TBCA: variants seen among roughly 807,000 people sequenced by gnomAD.
TBCA encodes tubulin folding cofactor A, also known as tubulin-specific chaperone A.
In TBCA, 6 loss-of-function variants were observed where a neutral mutation model predicts 15.8. That is an observed-to-expected ratio of 0.38 (90% confidence interval 0.21 to 0.75). TBCA has a LOEUF of 0.75. TBCA is among the 30% of genes least tolerant of loss of function. The pLI, the probability that TBCA is intolerant of heterozygous loss-of-function variation, is 0.46. For synonymous variants in TBCA, 32 were observed against 42.3 expected (o/e 0.76, Z 0.94); for missense variants, 90 against 131.2 (o/e 0.69, Z 1.53).
intron 2 of TBCA, among the ~76,000 whole-genome samples, chr5:77,705,022 T>C (rs551398435): frequency 1.2e-3 from 185 of 152,338 alleles, no homozygotes; most frequent in South Asian, 2.9e-3. Context: ...TAGTCAGTAA[T>C]GTAACTAGTG....
chr5:77,741,189 T>C (rs1311348828), intron 1 of TBCA, among the ~76,000 whole-genome samples: 2 of 152,296 alleles, frequency 1.3e-5, no homozygotes, highest in Middle Eastern at 3.4e-3. Flanking sequence ...GGTAGGGTTG[T>C]GGAGAAGATA....
At chr5:77,703,548 C>T (rs570946289) in intron 2 of TBCA, among the ~76,000 whole-genome samples, 1 of 152,080 alleles carries the variant, frequency 6.6e-6, no homozygotes, top group African/African-American at 2.4e-5. Flanking sequence ...AAAACTTTTA[C>T]CTAGTTGCTT....
intron 1 of TBCA, among the ~76,000 whole-genome samples, chr5:77,775,839 T>C (rs1200950009): frequency 6.6e-6 from 1 of 152,110 alleles, no homozygotes; most frequent in Non-Finnish European, 1.5e-5. Context: ...CCGGGCCAAG[T>C]TCAGCAAGGA....
intron 1 of TBCA, among the ~76,000 whole-genome samples, chr5:77,747,225 T>C (rs1747206193): frequency 6.6e-6 from 1 of 151,874 alleles, no homozygotes; most frequent in Admixed American, 6.6e-5. Context: ...TACTAAAAAA[T>C]CTGGGAAAAT....
chr5:77,755,384 C>T (rs140260005), intron 1 of TBCA, among the ~76,000 whole-genome samples: 2,591 of 151,596 alleles, frequency 0.017, 45 homozygotes, highest in Non-Finnish European at 0.024. Context: ...CAAGACCAGC[C>T]TGACCAACAA....
chr5:77,760,762 A>C (rs1234577099), intron 1 of TBCA, among the ~76,000 whole-genome samples: 1 of 152,156 alleles, frequency 6.6e-6, no homozygotes, highest in African/African-American at 2.4e-5. Flanking sequence ...GCATGATCTC[A>C]GCTCGCTACA....
chr5:77,766,514 T>A (rs1339363388), intron 1 of TBCA, among the ~76,000 whole-genome samples: 1 of 75,822 alleles, frequency 1.3e-5, no homozygotes, highest in African/African-American at 5.2e-5. Flanking sequence ...ATTTATTTAT[T>A]TTTTTTTTTT....
At chr5:77,715,279 A>G (rs1478414945) in intron 1 of TBCA, 1 of 702,318 alleles carries the variant, frequency 1.4e-6, no homozygotes, top group Non-Finnish European at 2.6e-6. Context: ...CAAGAAAAGA[A>G]GCCATGAAAC....
intron 1 of TBCA, among the ~76,000 whole-genome samples, chr5:77,709,496 A>C (rs369275151): frequency 9.9e-4 from 151 of 152,344 alleles, no homozygotes; most frequent in African/African-American, 3.3e-3. Context: ...CTTTCATAGC[A>C]CATATGTAAT....
chr5:77,708,233 T>G lies in TBCA; in HGVS notation c.159+9A>C, dbSNP rs756013395. ...ATGTTAGCTATTGTTATTTATGATA[T>G]AATTTTACCTGCTTTTTAATGTCAT... On this transcript the variant is annotated intron_variant, in intron 2 of 3. Coordinates refer to ENST00000380377, the MANE Select transcript of TBCA (RefSeq NM_004607.3). 6.5e-7 allele frequency: 1 copy of G among 1,527,212 alleles called. No individual in the cohort carries two copies. Among genetic ancestry groups the G allele is most frequent in the South Asian group, 1.2e-5 (1 of 85,854 alleles). The allele number at this position is 1,527,212 out of a possible 1,614,324, so 94.6% of individuals were successfully genotyped here.
chr5:77,715,269 CAAGAA>C, intron 1 of TBCA: 1 of 702,208 alleles, frequency 1.4e-6, no homozygotes, highest in Non-Finnish European at 2.6e-6. Flanking sequence ...AGACGAAAAC[CAAGAA>C]AAGAAGCCAT....
At chr5:77,764,788 A>T (rs1051274741) in intron 1 of TBCA, among the ~76,000 whole-genome samples, 5 of 151,820 alleles carry the variant, frequency 3.3e-5, no homozygotes, top group African/African-American at 1.2e-4. Context: ...ACAACTCAAA[A>T]CTGTCTCCTT....
chr5:77,705,607 C>T (rs1746132687), intron 2 of TBCA: 2 of 398,582 alleles, frequency 5.0e-6, no homozygotes, highest in Non-Finnish European at 4.4e-6. Flanking sequence ...GTGGGAGGAT[C>T]ACTGGAGGCC....
At chr5:77,710,366 T>C (rs1746247647) in intron 1 of TBCA, among the ~76,000 whole-genome samples, 1 of 151,884 alleles carries the variant, frequency 6.6e-6, no homozygotes, top group African/African-American at 2.4e-5. Context: ...CTTTGAGATA[T>C]AATATTTTAA....
chr5:77,715,703 A>G (rs558574457), intron 1 of TBCA, among the ~76,000 whole-genome samples: 2 of 152,342 alleles, frequency 1.3e-5, no homozygotes, highest in East Asian at 3.9e-4. Flanking sequence ...CACAGTGCCT[A>G]GAACACAATA....
chr5:77,749,770 G>T (rs578259477), intron 1 of TBCA, among the ~76,000 whole-genome samples: 1 of 152,142 alleles, frequency 6.6e-6, no homozygotes, highest in Non-Finnish European at 1.5e-5. Context: ...GAAATTCACA[G>T]TAGCATTTTC....
chr5:77,693,468 T>A, intron 2 of TBCA, 116 bp from the exon 3 acceptor site: 1 of 1,176,370 alleles, frequency 8.5e-7, no homozygotes, highest in Non-Finnish European at 1.2e-6. Flanking sequence ...ATGGTTATGT[T>A]AAATGGTTCA....
At chr5:77,691,664 G>A (rs1331703869) in intron 3 of TBCA, 166 bp from the exon 4 acceptor site, 1 of 1,360,478 alleles carries the variant, frequency 7.4e-7, no homozygotes, top group African/African-American at 1.5e-5. Flanking sequence ...CCCACATTCT[G>A]TTCCTTCTTT....
chr5:77,719,148 C>T (rs749539271), intron 1 of TBCA, among the ~76,000 whole-genome samples: 11 of 152,242 alleles, frequency 7.2e-5, no homozygotes, highest in Non-Finnish European at 1.0e-4. Context: ...GGGCAACTAT[C>T]GTCAGCCTCA....
Sources: gnomAD v4.1 joint callset for allele counts (sites outside exome capture counted in the v4.1 genomes callset) on GRCh38, gnomAD v4.1.1 for gene constraint, MANE v1.5 for transcripts, NCBI Gene and HGNC (gene_info 2026-07-23, HGNC 2026-07-21) for gene names.